The following PRKN variants were observed in gnomAD, a reference collection of about 807,000 sequenced individuals.
The protein encoded by PRKN is parkin RBR E3 ubiquitin protein ligase.
PRKN carries 56 observed loss-of-function variants against 59.5 expected under a neutral mutation model. That is an observed-to-expected ratio of 0.94 (90% confidence interval 0.76 to 1.18). The LOEUF is 1.18. PRKN is among the 50% of genes most tolerant of loss of function. PRKN has a pLI of 0.00. For synonymous variants in PRKN, 250 were observed against 222.1 expected (o/e 1.13, Z -1.12); for missense variants, 657 against 596.4 (o/e 1.10, Z -1.06).
chr6:161,820,286 T>C (rs1208817933), intron 6 of PRKN, among the ~76,000 whole-genome samples: 3 of 151,922 alleles, frequency 2.0e-5, no homozygotes, highest in African/African-American at 7.2e-5. Context: ...AAAACCTCTC[T>C]GAAAAACAAA....
At chr6:161,572,395 C>T (rs939043021) in intron 7 of PRKN, among the ~76,000 whole-genome samples, 2 of 152,064 alleles carry the variant, frequency 1.3e-5, no homozygotes, top group Non-Finnish European at 2.9e-5. Flanking sequence ...GGCATGGTGG[C>T]TCACACCTGT....
At position 161,448,834 on chromosome 6, in the gene PRKN, C is replaced by T. The variant is rs1375417829; in HGVS notation, c.1084-61957G>A. ...CCTTATAAGCTGGAGTCCAAGTTAACCTTCCCAAATGAGTGGCACTATTAT... is the reference window on the plus strand; with the variant it reads ...CCTTATAAGCTGGAGTCCAAGTTAATCTTCCCAAATGAGTGGCACTATTAT... On this transcript the variant is annotated intron_variant, in intron 9 of 11. Transcript: ENST00000366898. This position sits in a 1 kb window ranked among gnomAD's most constrained non-coding sequence, Gnocchi z 5.1. 6.6e-6 allele frequency among the ~76,000 whole-genome samples: 1 copy of T among 152,172 alleles called. No homozygotes were observed. Among genetic ancestry groups the T allele is most frequent in the Non-Finnish European group, 1.5e-5 (1 of 68,038 alleles).
At position 161,360,220 on chromosome 6, in the gene PRKN, A is replaced by G; in HGVS notation, c.1168-15T>C. The G allele has an allele frequency of 6.3e-7, 1 of 1,581,060 alleles. No homozygotes were observed. Reference sequence around the variant, plus strand: ...ACTCTGTAGGCCTGGGGAAACAAAGAGGAAAGGCGTTTAATCTCAGCTTTC... The same window carrying G: ...ACTCTGTAGGCCTGGGGAAACAAAGGGGAAAGGCGTTTAATCTCAGCTTTC... On this transcript the variant is annotated splice_polypyrimidine_tract_variant and intron_variant, in intron 10 of 11. Transcript: ENST00000366898. The surrounding 1 kb of genome is among the most constrained non-coding windows in gnomAD (Gnocchi z 5.1).
At chr6:162,077,566 A>C (rs1562499070) in intron 4 of PRKN, among the ~76,000 whole-genome samples, 1 of 152,090 alleles carries the variant, frequency 6.6e-6, no homozygotes, top group Non-Finnish European at 1.5e-5. Flanking sequence ...TTATTAGCTG[A>C]GTATTCTTTC....
intron 4 of PRKN, among the ~76,000 whole-genome samples, chr6:162,108,235 A>C (rs1488260495): frequency 1.3e-5 from 2 of 152,186 alleles, no homozygotes; most frequent in African/African-American, 2.4e-5. Context: ...AAAGAGAAAG[A>C]CAAGCCTTTG....
At chr6:162,239,113 C>A (rs1383670791) in intron 3 of PRKN, among the ~76,000 whole-genome samples, 1 of 152,240 alleles carries the variant, frequency 6.6e-6, no homozygotes. Context: ...TTAGATAAAT[C>A]ACTGAATACA....
chr6:162,103,710 G>A (rs968385230), intron 4 of PRKN, among the ~76,000 whole-genome samples: 6 of 152,132 alleles, frequency 3.9e-5, no homozygotes, highest in Non-Finnish European at 8.8e-5. Context: ...GAACGCCAGG[G>A]CAGTGGGCCT....
chr6:162,165,647 G>A (rs1175133622), intron 4 of PRKN, among the ~76,000 whole-genome samples: 3 of 149,180 alleles, frequency 2.0e-5, no homozygotes, highest in Non-Finnish European at 4.5e-5. Context: ...CGGAGCCACC[G>A]TAATGCTCAT....
intron 6 of PRKN, among the ~76,000 whole-genome samples, chr6:161,845,405 C>T (rs552423668): frequency 2.8e-4 from 43 of 152,246 alleles, no homozygotes; most frequent in African/African-American, 1.0e-3. Context: ...GGGTCATTCC[C>T]AAAGAGCTGG....
chr6:162,179,139 C>T (rs1004627020), intron 4 of PRKN, among the ~76,000 whole-genome samples: 3 of 152,320 alleles, frequency 2.0e-5, no homozygotes, highest in East Asian at 1.9e-4. Flanking sequence ...CTCGGCCTCT[C>T]GAAGTGCTGG....
intron 4 of PRKN, among the ~76,000 whole-genome samples, chr6:162,124,481 A>G (rs1458650452): frequency 1.3e-5 from 2 of 152,182 alleles, no homozygotes; most frequent in Non-Finnish European, 2.9e-5. Context: ...AACAGCAGAC[A>G]TTAAGCAAGA....
chr6:161,763,227 G>C (rs1308839357), intron 7 of PRKN, among the ~76,000 whole-genome samples: 1 of 152,114 alleles, frequency 6.6e-6, no homozygotes, highest in Non-Finnish European at 1.5e-5. Context: ...GTAAGCTTGT[G>C]AGCCGTGAGT....
intron 7 of PRKN, among the ~76,000 whole-genome samples, chr6:161,609,465 T>C (rs1392073911): frequency 6.6e-6 from 1 of 152,170 alleles, no homozygotes. Context: ...TACAAAAGAA[T>C]GAAAAGTGAT....
At chr6:161,507,227 A>G (rs976900376) in intron 9 of PRKN, among the ~76,000 whole-genome samples, 7 of 152,222 alleles carry the variant, frequency 4.6e-5, no homozygotes, top group Non-Finnish European at 1.0e-4. Context: ...AGGTTTGGTG[A>G]CTAGGCTTTA....
At chr6:161,847,939 C>G (rs944102466) in intron 6 of PRKN, among the ~76,000 whole-genome samples, 2 of 152,168 alleles carry the variant, frequency 1.3e-5, no homozygotes, top group African/African-American at 2.4e-5. Context: ...GCTCTGCACA[C>G]AGGGGCCTAA....
In PRKN at chr6:162,459,926, A is replaced by G. The variant is rs531204625; in HGVS notation, c.8-16453T>C. On this transcript the variant is annotated intron_variant, in intron 1 of 11. Coordinates refer to ENST00000366898, the MANE Select transcript of PRKN (RefSeq NM_004562.3). ...CACACACTGCAGGTGGGAATGTAAA[A>G]TGCTACCGCCACTTTGGAAAACAGT... 3.5e-4 allele frequency among the ~76,000 whole-genome samples: 53 copies of G among 152,350 alleles called. No individual in the cohort carries two copies. In the South Asian group the frequency reaches 0.011, roughly 31 times the overall value.
At chr6:162,445,164 G>A (rs990329325) in intron 1 of PRKN, among the ~76,000 whole-genome samples, 3 of 152,078 alleles carry the variant, frequency 2.0e-5, no homozygotes, top group Admixed American at 6.5e-5. Flanking sequence ...CACTTACTAT[G>A]TGCCAGACAT....
At chr6:162,678,893 G>C (rs1178800330) in intron 1 of PRKN, among the ~76,000 whole-genome samples, 2 of 151,998 alleles carry the variant, frequency 1.3e-5, no homozygotes, top group African/African-American at 4.8e-5. Context: ...TCCTGCCTCA[G>C]CCTCCTGAGT....
At chr6:162,157,980 C>T (rs1443119365) in intron 4 of PRKN, among the ~76,000 whole-genome samples, 1 of 151,890 alleles carries the variant, frequency 6.6e-6, no homozygotes, top group African/African-American at 2.4e-5. Flanking sequence ...CATATTAAAG[C>T]CTTCTATGTT....
Sources: allele counts gnomAD v4.1 joint callset (sites outside exome capture counted in the v4.1 genomes callset), GRCh38; gene constraint gnomAD v4.1.1; non-coding constraint Gnocchi (gnomAD v3.1); transcripts MANE v1.5; gene names NCBI Gene and HGNC (gene_info 2026-07-23, HGNC 2026-07-21).